RGS6: variants seen among roughly 807,000 people sequenced by gnomAD.
RGS6 encodes regulator of G-protein signaling 6.
A neutral mutation model predicts 78.5 loss-of-function variants in RGS6; 30 were observed. The ratio of observed to expected loss-of-function variants is 0.38; its 90% confidence interval spans 0.29 to 0.52. The LOEUF (loss-of-function observed/expected upper bound fraction) is 0.52. RGS6 is among the 20% of genes least tolerant of loss of function. RGS6 has a pLI of 0.85. For missense variants in RGS6, 495 were observed against 609.7 expected, an observed-to-expected ratio of 0.81 and a Z score of 1.98; for synonymous variants, 206 against 206.0, an observed-to-expected ratio of 1.00 and a Z score of 0.00.
chr14:71,981,893 C>T (rs541666277), intron 2 of RGS6, among the ~76,000 whole-genome samples: 60 of 148,712 alleles, frequency 4.0e-4, no homozygotes, highest in Non-Finnish European at 8.4e-4. Context: ...GCCTCGTTGC[C>T]GCCTTGCAGT....
chr14:72,502,940 G>A (rs58049100), intron 13 of RGS6, among the ~76,000 whole-genome samples: 25,838 of 152,078 alleles, frequency 0.17, 2,486 homozygotes, highest in African/African-American at 0.27. Context: ...GCCTTATTTC[G>A]TAATTTTTCT....
the RGS6 span, among the ~76,000 whole-genome samples, chr14:71,927,073 G>A: frequency 6.6e-6 from 1 of 152,164 alleles, no homozygotes; most frequent in African/African-American, 2.4e-5. Context: ...ACAAGCTTTG[G>A]GAAGGCAGTG....
rs564905037 is a variant in RGS6, at chr14:72,535,311, C to T, written c.1279-875C>T. Among the ~76,000 whole-genome samples the T allele has an allele frequency of 4.1e-4, 62 of 152,322 alleles. 1 individual carries two copies. The South Asian group carries it at 0.013, about 31-fold the overall frequency. On this transcript the variant is annotated intron_variant, in intron 15 of 17. Coordinates refer to ENST00000553525, the MANE Select transcript of RGS6 (RefSeq NM_001204424.2). ...AGTTACATGTCCTGTGATGTGGTTG[C>T]CAAGAACTCCTTCCAGGACGAGGTG...
chr14:72,160,315 A>G (rs1247177805), intron 2 of RGS6, among the ~76,000 whole-genome samples: 1 of 151,162 alleles, frequency 6.6e-6, no homozygotes, highest in Non-Finnish European at 1.5e-5. Flanking sequence ...AATCAAATCA[A>G]CCTGTGAAAT....
chr14:72,566,680 CACCT>C, downstream of RGS6, among the ~76,000 whole-genome samples: 1 of 125,164 alleles, frequency 8.0e-6, no homozygotes, highest in Non-Finnish European at 1.7e-5. Flanking sequence ...CACACACACA[CACCT>C]GTTTCCTTCT....
At chr14:72,546,304 T>C (rs997298899) in intron 17 of RGS6, among the ~76,000 whole-genome samples, 2 of 152,178 alleles carry the variant, frequency 1.3e-5, no homozygotes, top group South Asian at 4.1e-4. Context: ...AAAATGAAAA[T>C]ATAAAAGTCT....
chr14:72,365,493 G>C (rs978612093), intron 3 of RGS6, among the ~76,000 whole-genome samples: 1 of 152,156 alleles, frequency 6.6e-6, no homozygotes, highest in Non-Finnish European at 1.5e-5. Context: ...CCTTCCTAAG[G>C]TGTCGATGTC....
At chr14:71,878,634 G>C in the RGS6 span, among the ~76,000 whole-genome samples, 2 of 152,204 alleles carry the variant, frequency 1.3e-5, no homozygotes, top group African/African-American at 2.4e-5. Flanking sequence ...GCACTTCCTG[G>C]GTGAGGCAAT....
chr14:72,173,081 T>C (rs1404580228), intron 2 of RGS6, among the ~76,000 whole-genome samples: 2 of 152,156 alleles, frequency 1.3e-5, no homozygotes, highest in Non-Finnish European at 2.9e-5. Flanking sequence ...AAATACCCTC[T>C]TAGATTTGTA....
chr14:72,209,520 G>C (rs535977927), intron 2 of RGS6, among the ~76,000 whole-genome samples: 3 of 152,272 alleles, frequency 2.0e-5, no homozygotes, highest in South Asian at 4.2e-4. Context: ...CTTGTTGCCA[G>C]CCACTTAATT....
At chr14:72,092,601 C>T (rs1210198280) in intron 2 of RGS6, among the ~76,000 whole-genome samples, 4 of 151,996 alleles carry the variant, frequency 2.6e-5, no homozygotes, top group African/African-American at 7.3e-5. Flanking sequence ...AGGCTGGTCT[C>T]GAACTCCTGA....
the RGS6 span, among the ~76,000 whole-genome samples, chr14:72,584,125 T>A: frequency 2.6e-5 from 4 of 152,104 alleles, no homozygotes; most frequent in Non-Finnish European, 5.9e-5. Context: ...AGACAGGAAA[T>A]GTGGGTGTCA....
intron 2 of RGS6, among the ~76,000 whole-genome samples, chr14:72,349,513 G>A (rs2078719875): frequency 1.3e-5 from 2 of 152,112 alleles, no homozygotes; most frequent in Admixed American, 1.3e-4. Flanking sequence ...TAATACCATG[G>A]GGGAGTCAGG....
chr14:71,892,743 C>T, the RGS6 span, among the ~76,000 whole-genome samples: 94 of 152,224 alleles, frequency 6.2e-4, no homozygotes, highest in African/African-American at 9.9e-4. Flanking sequence ...AATGATGAAT[C>T]GTTTCTTAAA....
intron 3 of RGS6, among the ~76,000 whole-genome samples, chr14:72,382,109 G>A (rs1189211037): frequency 2.0e-5 from 3 of 151,868 alleles, no homozygotes; most frequent in African/African-American, 7.3e-5. Context: ...TTAGTCACCT[G>A]CATTAATAAA....
At chr14:72,041,690 C>T (rs1237630901) in intron 2 of RGS6, among the ~76,000 whole-genome samples, 1 of 152,216 alleles carries the variant, frequency 6.6e-6, no homozygotes, top group African/African-American at 2.4e-5. Flanking sequence ...TTTAATTCTG[C>T]TGTTCTTCAC....
At chr14:71,999,468 G>A (rs1486545905) in intron 2 of RGS6, among the ~76,000 whole-genome samples, 1 of 152,198 alleles carries the variant, frequency 6.6e-6, no homozygotes, top group Non-Finnish European at 1.5e-5. Context: ...GTTGAAGAAA[G>A]GTATAACTCT....
At chr14:72,063,390 A>G (rs1311110135) in intron 2 of RGS6, among the ~76,000 whole-genome samples, 3 of 152,198 alleles carry the variant, frequency 2.0e-5, no homozygotes, top group African/African-American at 7.2e-5. Flanking sequence ...GGAACACAGG[A>G]TATAGCAGCA....
chr14:72,343,042 T>C (rs975389460), intron 2 of RGS6, among the ~76,000 whole-genome samples: 1 of 152,236 alleles, frequency 6.6e-6, no homozygotes, highest in Non-Finnish European at 1.5e-5. Flanking sequence ...CAATGCAGAA[T>C]ACTGATTAGC....
Sources: gnomAD v4.1 joint callset for allele counts (sites outside exome capture counted in the v4.1 genomes callset) on GRCh38, gnomAD v4.1.1 for gene constraint, MANE v1.5 for transcripts, NCBI Gene and HGNC (gene_info 2026-07-23, HGNC 2026-07-21) for gene names.